Variants in CCDC181 observed in about 807,000 individuals in gnomAD.
The protein encoded by CCDC181 is coiled-coil domain-containing protein 181.
A neutral mutation model predicts 58.7 loss-of-function variants in CCDC181; 35 were observed. The observed-to-expected ratio is 0.60, with a 90% CI of 0.46 to 0.79. CCDC181 has a LOEUF of 0.79. Among genes scored for constraint, CCDC181 ranks in the 30% least tolerant of loss-of-function variants. CCDC181 has a pLI of 0.00. For synonymous variants in CCDC181, 183 were observed against 197.5 expected (o/e 0.93, Z 0.62); for missense variants, 517 against 583.9 (o/e 0.89, Z 1.18).
At chr1:169,409,876 C>T (rs932394360) in intron 4 of CCDC181, among the ~76,000 whole-genome samples, 16 of 152,196 alleles carry the variant, frequency 1.1e-4, no homozygotes, top group Admixed American at 7.8e-4. Flanking sequence ...TACAAGAGCT[C>T]CTGAAGGAAG....
chr1:169,422,584 CA>C (rs1313479996), intron 2 of CCDC181, among the ~76,000 whole-genome samples: 4 of 152,042 alleles, frequency 2.6e-5, no homozygotes, highest in Admixed American at 2.6e-4. Flanking sequence ...GCTAATGTAT[CA>C]AAAGGTAACT....
chr1:169,422,224 G>A lies in CCDC181; in HGVS notation c.207C>T (p.Asp69=), dbSNP rs772271974. ...GTGAGACCTCATCCTGCAAAGATTT[G>A]TCAGGATCAGAATGCCGTTTGGTGT... ...MEHTKRHSDP[D]KSLQDEVSPR... The change falls in exon 3 of 6, where the codon GAC becomes GAT. Residue 69 remains aspartate (D), a synonymous_variant. Coordinates refer to ENST00000367806, the MANE Select transcript of CCDC181 (RefSeq NM_001300969.2). The A allele has an allele frequency of 1.2e-6, 2 of 1,613,440 alleles. No individual in the cohort carries two copies. The highest frequency in any genetic ancestry group is 3.3e-5 in the Admixed American group (2 of 59,930).
chr1:169,398,279 A>G (rs1232943735), intron 4 of CCDC181, among the ~76,000 whole-genome samples: 1 of 152,146 alleles, frequency 6.6e-6, no homozygotes, highest in Non-Finnish European at 1.5e-5. Flanking sequence ...TTTCAAAATA[A>G]TGAGGAGAGG....
chr1:169,424,912 CT>C lies in CCDC181; in HGVS notation c.15del (p.Asp6IlefsTer21). The C allele has an allele frequency of 1.3e-6, 2 of 1,586,182 alleles. No individual in the cohort carries two copies. Among genetic ancestry groups the C allele is most frequent in the Middle Eastern group, 1.7e-4 (1 of 5,972 alleles). MNEN[K>X]DTDSKKSEEY... is the part of the protein sequence containing the mutation. ...TCTTCACTTTTCTTTGAATCAGTAT[CT>C]TTATTTTCATTCATTTTCTGTTTGT... is the stretch of plus-strand genomic sequence containing the variant. On this transcript the variant is annotated frameshift_variant, in exon 2 of 6. Coordinates refer to ENST00000367806, the MANE Select transcript of CCDC181 (RefSeq NM_001300969.2). LOFTEE classifies it high-confidence loss of function.
intron 2 of CCDC181, among the ~76,000 whole-genome samples, chr1:169,457,863 T>C (rs941353118): frequency 2.0e-5 from 3 of 152,196 alleles, no homozygotes; most frequent in Non-Finnish European, 2.9e-5. Context: ...TTCTTAAGTA[T>C]ACCTTTCTTC....
intron 2 of CCDC181, among the ~76,000 whole-genome samples, chr1:169,453,865 C>T (rs1258526823): frequency 6.6e-6 from 1 of 151,906 alleles, no homozygotes; most frequent in African/African-American, 2.4e-5. Context: ...TATTAAGACA[C>T]TTGCATAGCT....
intron 2 of CCDC181, among the ~76,000 whole-genome samples, chr1:169,422,910 C>G (rs997870347): frequency 6.6e-6 from 1 of 151,670 alleles, no homozygotes; most frequent in Non-Finnish European, 1.5e-5. Context: ...TAACCACCAT[C>G]AGATAACTTG....
At chr1:169,439,902 A>G (rs1484466424) in intron 2 of CCDC181, among the ~76,000 whole-genome samples, 1 of 151,940 alleles carries the variant, frequency 6.6e-6, no homozygotes, top group Non-Finnish European at 1.5e-5. Flanking sequence ...AACTCCTCTC[A>G]ACGTTCAGAT....
chr1:169,459,925 AAAAAGG>A (rs1396829517), intron 1 of CCDC181: 11 of 151,090 alleles, frequency 7.3e-5, no homozygotes, highest in African/African-American at 2.4e-4. Flanking sequence ...AAAAAAAAAA[AAAAAGG>A]AGGAGGCGGA....
chr1:169,425,626 TCTAA>T, intron 1 of CCDC181, among the ~76,000 whole-genome samples: 1 of 152,106 alleles, frequency 6.6e-6, no homozygotes, highest in Non-Finnish European at 1.5e-5. Flanking sequence ...AGCTATTATA[TCTAA>T]CTACCTACCA....
At chr1:169,415,951 C>T (rs79693435) in intron 4 of CCDC181, among the ~76,000 whole-genome samples, 2,177 of 152,342 alleles carry the variant, frequency 0.014, 47 homozygotes, top group African/African-American at 0.048. Context: ...ATAAATTTCT[C>T]CAACTAATCT....
At chr1:169,398,934 A>C (rs955248152) in intron 4 of CCDC181, among the ~76,000 whole-genome samples, 1 of 152,218 alleles carries the variant, frequency 6.6e-6, no homozygotes, top group African/African-American at 2.4e-5. Context: ...CTGGAGAAAA[A>C]CAGTGGTAAC....
chr1:169,409,775 C>T (rs1457414157), intron 4 of CCDC181, among the ~76,000 whole-genome samples: 1 of 152,100 alleles, frequency 6.6e-6, no homozygotes. Context: ...AATTTCATAT[C>T]CAGCCAAACT....
chr1:169,421,727 C>A lies in CCDC181; in HGVS notation c.704G>T (p.Ser235Ile). 2.5e-6 allele frequency: 4 copies of A among 1,614,070 alleles called. No individual in the cohort carries two copies. Among genetic ancestry groups the A allele is most frequent in the Non-Finnish European group, 3.4e-6 (4 of 1,180,004 alleles). Reference protein sequence around the residue: ...FELLNLQDIASQGFLPPINNA... With the variant: ...FELLNLQDIAIQGFLPPINNA... ...ATTAATGGGAGGCAAAAACCCCTGA[C>A]TGGCAATGTCTTGTAAATTCAGAAG... The change falls in exon 3 of 6, where the codon AGT (serine) becomes ATT (isoleucine). Residue 235 changes from serine to isoleucine, a missense_variant. Coordinates refer to ENST00000367806, the MANE Select transcript of CCDC181 (RefSeq NM_001300969.2).
At chr1:169,423,490 ATG>A (rs1656582939) in intron 2 of CCDC181, among the ~76,000 whole-genome samples, 1 of 151,784 alleles carries the variant, frequency 6.6e-6, no homozygotes, top group Non-Finnish European at 1.5e-5. Flanking sequence ...TGACCCTCTT[ATG>A]TGTCTCTAGC....
At chr1:169,455,442 G>A (rs1355952929) in intron 2 of CCDC181, among the ~76,000 whole-genome samples, 1 of 152,018 alleles carries the variant, frequency 6.6e-6, no homozygotes, top group African/African-American at 2.4e-5. Context: ...TAGGTTTAAA[G>A]CCCCACTAAT....
chr1:169,413,440 C>T (rs754708337), intron 4 of CCDC181, among the ~76,000 whole-genome samples: 9 of 152,104 alleles, frequency 5.9e-5, no homozygotes, highest in Non-Finnish European at 1.2e-4. Context: ...TTAGTTCAAC[C>T]ACTGTGGAAG....
At chr1:169,433,425 A>G (rs1557876108) in intron 2 of CCDC181, among the ~76,000 whole-genome samples, 1 of 152,026 alleles carries the variant, frequency 6.6e-6, no homozygotes, top group Non-Finnish European at 1.5e-5. Context: ...AGAAAAGCAG[A>G]AATAAATCCA....
intron 4 of CCDC181, among the ~76,000 whole-genome samples, chr1:169,408,049 T>A (rs1246143110): frequency 3.9e-5 from 6 of 152,098 alleles, no homozygotes; most frequent in African/African-American, 1.4e-4. Flanking sequence ...TTCATCATAC[T>A]GGAATGCCAG....
Sources: allele counts gnomAD v4.1 joint callset (sites outside exome capture counted in the v4.1 genomes callset), GRCh38; gene constraint gnomAD v4.1.1; transcripts MANE v1.5; gene names NCBI Gene and HGNC (gene_info 2026-07-23, HGNC 2026-07-21).